ZFR2: variants seen among roughly 807,000 people sequenced by gnomAD.
The protein encoded by ZFR2 is zinc finger RNA binding protein 2, also known as zinc finger RNA-binding protein 2.
Under a neutral mutation model 105.7 loss-of-function variants are expected in ZFR2, and 104 were observed. That is an observed-to-expected ratio of 0.98 (90% CI 0.84 to 1.16). The LOEUF (loss-of-function observed/expected upper bound fraction) is 1.16. Ranked by LOEUF, ZFR2 falls within the 50% of genes most tolerant of loss-of-function variation. The pLI is 0.00. For synonymous variants in ZFR2, 634 were observed against 597.7 expected, an observed-to-expected ratio of 1.06 and a Z score of -0.89; for missense variants, 1,425 against 1,355.5, an observed-to-expected ratio of 1.05 and a Z score of -0.80.
rs1050791042 is a variant in ZFR2, at chr19:3,863,590, G to A, written c.53+5375C>T. Among the ~76,000 whole-genome samples, 7 of 152,298 alleles carry A rather than the reference G, an allele frequency of 4.6e-5. No individual in the cohort carries two copies. The East Asian group carries it at 1.4e-3, about 29-fold the overall frequency. On this transcript the variant is annotated intron_variant, in intron 1 of 18. Transcript: ENST00000262961. ...CTGCAGGTGTGCACTGCCATGCCTG[G>A]CCATGTGTTTTTTAATGTCTAAAGG...
chr19:3,854,248 C>T (rs983458007), intron 1 of ZFR2, among the ~76,000 whole-genome samples: 7 of 151,998 alleles, frequency 4.6e-5, no homozygotes, highest in African/African-American at 1.7e-4. Context: ...AAAAATGAGC[C>T]AGGCATGGTA....
Position 3,834,481 on chromosome 19 carries a change from T to C in ZFR2, c.264+292A>G, listed in dbSNP as rs1259409947. 6.6e-6 allele frequency among the ~76,000 whole-genome samples: 1 copy of C among 152,068 alleles called. No homozygotes were observed. Among genetic ancestry groups the C allele is most frequent in the Non-Finnish European group, 1.5e-5 (1 of 68,004 alleles). Reference sequence around the variant, plus strand: ...GTAACCCAGGCGACCCTCCTCCTCCTTCATAGTCACTGCTGAAGCTGGGAC... The same window carrying C: ...GTAACCCAGGCGACCCTCCTCCTCCCTCATAGTCACTGCTGAAGCTGGGAC... On this transcript the variant is annotated intron_variant, in intron 2 of 18. Coordinates refer to ENST00000262961, the MANE Select transcript of ZFR2 (RefSeq NM_015174.2). The surrounding 1 kb of genome is among the most constrained non-coding windows in gnomAD (Gnocchi z 5.3).
intron 8 of ZFR2, 63 bp from the exon 9 acceptor site, chr19:3,822,263 C>T (rs569686244): frequency 1.3e-6 from 2 of 1,534,450 alleles, no homozygotes; most frequent in African/African-American, 2.7e-5. Context: ...GAGATGCTAC[C>T]GCTGCCAGGT....
At position 3,816,835 on chromosome 19, in the gene ZFR2, G is replaced by A. The variant is rs2037830107; in HGVS notation, c.1942C>T (p.Pro648Ser). The A allele has an allele frequency of 1.3e-6, 2 of 1,561,716 alleles. No individual in the cohort carries two copies. Among genetic ancestry groups the A allele is most frequent in the East Asian group, 2.4e-5 (1 of 41,722 alleles). The change falls in exon 13 of 19, where the codon CCC (proline) becomes TCC (serine). Residue 648 changes from proline to serine, a missense_variant. Physicochemically the swap from Pro to Ser is moderately conservative, Grantham distance 74. Coordinates refer to ENST00000262961, the MANE Select transcript of ZFR2 (RefSeq NM_015174.2). Reference sequence around the variant, plus strand: ...ACGCCTTTCAGGACCCGAGTCTGGGGGGCAACGCTGCTGTGGGGACAAAGC... The same window carrying A: ...ACGCCTTTCAGGACCCGAGTCTGGGAGGCAACGCTGCTGTGGGGACAAAGC... ...EEGDKRSSVA[P>S]QTRVLKGVMR...
rs775371251 is a variant in ZFR2 at position 3,838,887 on chromosome 19, C to T, written c.54-3904G>A. Reference sequence around the variant, plus strand: ...CAGCTGCAGCTGCCCAGCTGTCTCCCGGGGCCGCGGCACGTGGCATGCAGC... The same window carrying T: ...CAGCTGCAGCTGCCCAGCTGTCTCCTGGGGCCGCGGCACGTGGCATGCAGC... On this transcript the variant is annotated intron_variant, in intron 1 of 18. Transcript: ENST00000262961. This position sits in a 1 kb window ranked among gnomAD's most constrained non-coding sequence, Gnocchi z 4.9. Among the ~76,000 whole-genome samples the T allele has an allele frequency of 3.3e-5, 5 of 152,178 alleles. No individual in the cohort carries two copies. The highest frequency in any genetic ancestry group is 1.9e-4 in the East Asian group (1 of 5,186).
intron 1 of ZFR2, among the ~76,000 whole-genome samples, chr19:3,857,984 C>A (rs544265387): frequency 6.6e-6 from 1 of 152,218 alleles, no homozygotes; most frequent in Non-Finnish European, 1.5e-5. Context: ...CCGGCACTCC[C>A]ACCTTCAGGC....
chr19:3,834,666 G>T lies in ZFR2; in HGVS notation c.264+107C>A. On this transcript the variant is annotated intron_variant, in intron 2 of 18. Coordinates refer to ENST00000262961, the MANE Select transcript of ZFR2 (RefSeq NM_015174.2). This position sits in a 1 kb window ranked among gnomAD's most constrained non-coding sequence, Gnocchi z 5.3. ...AGAAGGGTCCCGAAGGAAGGATCAC[G>T]GTTAAGAGGCCTGGGAGAAGGAGTA... 8.2e-7 allele frequency: 1 copy of T among 1,212,344 alleles called. No homozygotes were observed. The allele number at this position is 1,212,344 out of a possible 1,614,324, so 75.1% of individuals were successfully genotyped here.
chr19:3,843,228 C>A (rs958406949), intron 1 of ZFR2, among the ~76,000 whole-genome samples: 1 of 149,160 alleles, frequency 6.7e-6, no homozygotes, highest in Non-Finnish European at 1.5e-5. Context: ...CCCAGCACTT[C>A]GGGTGGCCGA....
intron 12 of ZFR2, among the ~76,000 whole-genome samples, chr19:3,818,756 G>C (rs991814688): frequency 1.3e-5 from 2 of 152,222 alleles, no homozygotes; most frequent in Non-Finnish European, 2.9e-5. Context: ...GGTTTACAGA[G>C]ACTGTCAGTC....
chr19:3,819,510 G>A (rs1212989245), intron 11 of ZFR2, among the ~76,000 whole-genome samples: 1 of 152,206 alleles, frequency 6.6e-6, no homozygotes, highest in Non-Finnish European at 1.5e-5. Context: ...CAGACCAGAG[G>A]CTTTTGAGTC....
chr19:3,862,808 C>T (rs2038387544), intron 1 of ZFR2, among the ~76,000 whole-genome samples: 1 of 152,346 alleles, frequency 6.6e-6, no homozygotes. Context: ...ACACGTATTT[C>T]AGCCTTGCTG....
chr19:3,852,314 CTGG>C, intron 1 of ZFR2: 1 of 620,736 alleles, frequency 1.6e-6, no homozygotes, highest in South Asian at 2.0e-5. Context: ...GGTGGCAATC[CTGG>C]TGGAGGTGGG....
intron 6 of ZFR2, 93 bp from the exon 7 acceptor site, chr19:3,825,500 C>A: frequency 1.4e-6 from 2 of 1,471,124 alleles, no homozygotes. Context: ...GGGCGTGCAG[C>A]GCGAGTGTGG....
At chr19:3,809,810 G>A (rs1219901203) in intron 16 of ZFR2, among the ~76,000 whole-genome samples, 1 of 152,118 alleles carries the variant, frequency 6.6e-6, no homozygotes, top group Non-Finnish European at 1.5e-5. Context: ...CAGGCGTGGT[G>A]GTGCGTGCCT....
chr19:3,839,077 G>A (rs1000474065), intron 1 of ZFR2, among the ~76,000 whole-genome samples: 2 of 152,126 alleles, frequency 1.3e-5, no homozygotes, highest in South Asian at 2.1e-4. Context: ...GACCGCACAC[G>A]CTCTGATCTG....
chr19:3,857,966 A>G (rs774903195), intron 1 of ZFR2, among the ~76,000 whole-genome samples: 3 of 152,192 alleles, frequency 2.0e-5, no homozygotes, highest in Non-Finnish European at 1.5e-5. Context: ...CACGTCTACA[A>G]GTCCTGCCCG....
In ZFR2 at chr19:3,813,300, G is replaced by A. The variant is rs1348259701; in HGVS notation, c.2242+520C>T. Among the ~76,000 whole-genome samples the A allele has an allele frequency of 4.6e-5, 7 of 152,162 alleles. No homozygotes were observed. The highest frequency in any genetic ancestry group is 3.9e-4 in the Admixed American group (6 of 15,278). ...ATGCCTGTCTTCGCTGTGGCCGCTG[G>A]CCAAGACCCTCGCTGCCCCTAGCCT... On this transcript the variant is annotated intron_variant, in intron 14 of 18. Transcript: ENST00000262961. This position sits in a 1 kb window ranked among gnomAD's most constrained non-coding sequence, Gnocchi z 4.4.
chr19:3,850,382 C>T (rs1278884148), intron 1 of ZFR2, among the ~76,000 whole-genome samples: 1 of 151,974 alleles, frequency 6.6e-6, no homozygotes, highest in African/African-American at 2.4e-5. Flanking sequence ...CCAGGTAGAA[C>T]CTGGGATTTA....
chr19:3,813,567 C>A lies in ZFR2; in HGVS notation c.2242+253G>T, dbSNP rs895082181. 6.6e-6 allele frequency among the ~76,000 whole-genome samples: 1 copy of A among 152,220 alleles called. No homozygotes were observed. The highest frequency in any genetic ancestry group is 2.4e-5 in the African/African-American group (1 of 41,460). ...GGGCAAGGGAGGTGACACGGTGTCG[C>A]TTGCCCGAGCAAGGCCCCTGCAGCC... On this transcript the variant is annotated intron_variant, in intron 14 of 18. Coordinates refer to ENST00000262961, the MANE Select transcript of ZFR2 (RefSeq NM_015174.2). The surrounding 1 kb of genome is among the most constrained non-coding windows in gnomAD (Gnocchi z 4.4).
Sources: allele counts gnomAD v4.1 joint callset (sites outside exome capture counted in the v4.1 genomes callset), GRCh38; gene constraint gnomAD v4.1.1; non-coding constraint Gnocchi (gnomAD v3.1); transcripts MANE v1.5; gene names NCBI Gene and HGNC (gene_info 2026-07-23, HGNC 2026-07-21).